Variants in CRIM1 observed in about 807,000 individuals in gnomAD.
The protein encoded by CRIM1 is cysteine-rich motor neuron 1 protein.
CRIM1 carries 32 observed loss-of-function variants against 116.4 expected under a neutral mutation model. The observed-to-expected ratio is 0.27, with a 90% CI of 0.21 to 0.37. The LOEUF (loss-of-function observed/expected upper bound fraction) is 0.37. Among genes scored for constraint, CRIM1 ranks in the 10% least tolerant of loss-of-function variants. The pLI is 1.00. For synonymous variants in CRIM1, 590 were observed against 509.2 expected (o/e 1.16, Z -2.13); for missense variants, 1,331 against 1,354.8 (o/e 0.98, Z 0.28).
intron 1 of CRIM1, among the ~76,000 whole-genome samples, chr2:36,366,709 C>T (rs1377266532): frequency 1.3e-5 from 2 of 152,194 alleles, no homozygotes; most frequent in African/African-American, 2.4e-5. Context: ...TCCCAGTCTA[C>T]AAGAGGTAAC....
At chr2:36,407,374 A>T (rs1319216987) in intron 2 of CRIM1, among the ~76,000 whole-genome samples, 4 of 152,322 alleles carry the variant, frequency 2.6e-5, no homozygotes, top group East Asian at 3.9e-4. Context: ...AAAGTTACAT[A>T]TTTTTGTAAG....
chr2:36,541,731 C>T (rs909276638), intron 14 of CRIM1, among the ~76,000 whole-genome samples: 2 of 152,126 alleles, frequency 1.3e-5, no homozygotes, highest in African/African-American at 4.8e-5. Context: ...ACCGTGTGCC[C>T]GTGATCTTCG....
chr2:36,435,996 A>G (rs1026864686), intron 2 of CRIM1, among the ~76,000 whole-genome samples: 43 of 151,528 alleles, frequency 2.8e-4, no homozygotes, highest in African/African-American at 1.0e-3. Flanking sequence ...TAAGTATTAT[A>G]TATAGATCTG....
chr2:36,382,268 C>T (rs761119190), intron 1 of CRIM1, among the ~76,000 whole-genome samples: 1 of 152,186 alleles, frequency 6.6e-6, no homozygotes, highest in Non-Finnish European at 1.5e-5. Flanking sequence ...AAATTAAATT[C>T]CATGCTCTTG....
chr2:36,419,740 G>T (rs1673909857), intron 2 of CRIM1, among the ~76,000 whole-genome samples: 1 of 152,174 alleles, frequency 6.6e-6, no homozygotes, highest in Admixed American at 6.5e-5. Flanking sequence ...ATCTCAAAAT[G>T]AGAAGTGCAT....
chr2:36,488,606 G>A (rs1680004510), intron 7 of CRIM1, among the ~76,000 whole-genome samples: 1 of 152,172 alleles, frequency 6.6e-6, no homozygotes, highest in East Asian at 1.9e-4. Flanking sequence ...AAGTTGATCA[G>A]CAGTTTGACC....
intron 2 of CRIM1, among the ~76,000 whole-genome samples, chr2:36,413,966 A>G (rs2124821689): frequency 6.6e-6 from 1 of 152,336 alleles, no homozygotes; most frequent in East Asian, 1.9e-4. Context: ...AAAAATATAC[A>G]TCATAACAGT....
At chr2:36,455,933 C>T (rs955981085) in intron 4 of CRIM1, among the ~76,000 whole-genome samples, 7 of 152,210 alleles carry the variant, frequency 4.6e-5, no homozygotes, top group African/African-American at 1.7e-4. Context: ...TACGGTCTTT[C>T]ACTTTGCACT....
intron 4 of CRIM1, 81 bp downstream of exon 4, chr2:36,442,816 T>G: frequency 1.3e-6 from 2 of 1,536,298 alleles, no homozygotes; most frequent in Non-Finnish European, 1.8e-6. Flanking sequence ...GCAGTTTGTT[T>G]TCCCATGAGA....
At chr2:36,480,488 T>G (rs940794413) in intron 7 of CRIM1, among the ~76,000 whole-genome samples, 1 of 152,228 alleles carries the variant, frequency 6.6e-6, no homozygotes, top group African/African-American at 2.4e-5. Flanking sequence ...GGATCAAAAA[T>G]TAATCCATGT....
At chr2:36,480,348 C>G (rs139883720) in intron 7 of CRIM1, among the ~76,000 whole-genome samples, 403 of 152,334 alleles carry the variant, frequency 2.6e-3, no homozygotes, top group African/African-American at 8.9e-3. Context: ...GCATACTTAA[C>G]TCATGTCAGT....
intron 11 of CRIM1, 33 bp from the exon 12 acceptor site, chr2:36,517,294 A>C (rs916378880): frequency 6.4e-7 from 1 of 1,566,664 alleles, no homozygotes; most frequent in African/African-American, 1.4e-5. Flanking sequence ...ATTGCAGATG[A>C]ATAATGTGTT....
At chr2:36,373,123 C>T (rs1670055635) in intron 1 of CRIM1, among the ~76,000 whole-genome samples, 1 of 152,118 alleles carries the variant, frequency 6.6e-6, no homozygotes, top group African/African-American at 2.4e-5. Flanking sequence ...GCAAATGCTG[C>T]CAAAATGAGA....
intron 2 of CRIM1, among the ~76,000 whole-genome samples, chr2:36,419,920 G>T (rs1215294039): frequency 2.6e-5 from 4 of 152,174 alleles, no homozygotes; most frequent in Admixed American, 2.6e-4. Flanking sequence ...CAAATATGTG[G>T]CTTTAAGGCC....
intron 2 of CRIM1, among the ~76,000 whole-genome samples, chr2:36,415,892 G>T (rs1019350665): frequency 1.3e-5 from 2 of 152,164 alleles, no homozygotes; most frequent in African/African-American, 4.8e-5. Context: ...GATAGTTAAT[G>T]AGTGTCTGAT....
Position 36,356,453 on chromosome 2 carries a change from G to A in CRIM1, c.161G>A (p.Ser54Asn). The A allele has an allele frequency of 6.2e-7, 1 of 1,612,368 alleles. No individual in the cohort carries two copies. The highest frequency in any genetic ancestry group is 8.5e-7 in the Non-Finnish European group (1 of 1,179,774). The part of the protein sequence containing the change: ...KCEEPRNCPG[S>N]IVQGVCGCCY... The stretch of plus-strand genomic sequence containing the variant: ...GAGGAGCCCAGGAACTGCCCGGGGA[G>A]CATCGTGCAGGGCGTCTGCGGCTGC... Residue 54 changes from serine (S) to asparagine (N), a missense_variant, in exon 1 of 17, where the codon AGC becomes AAC. Ser to Asn is a conservative substitution (Grantham distance 46). This residue lies in a region of CRIM1 where 690 missense variants were observed against 676.0 expected (regional missense o/e 1.02). Transcript: ENST00000280527. The surrounding 1 kb of genome is among the most constrained non-coding windows in gnomAD (Gnocchi z 4.3).
intron 4 of CRIM1, among the ~76,000 whole-genome samples, chr2:36,460,850 T>C (rs1677525190): frequency 6.6e-6 from 1 of 152,014 alleles, no homozygotes; most frequent in Non-Finnish European, 1.5e-5. Flanking sequence ...AAGTGTGGTG[T>C]TTGGGGGTTC....
intron 2 of CRIM1, among the ~76,000 whole-genome samples, chr2:36,406,069 G>A (rs950210744): frequency 6.6e-6 from 1 of 152,048 alleles, no homozygotes; most frequent in African/African-American, 2.4e-5. Flanking sequence ...GGCATTAAAT[G>A]CCATTATTTC....
chr2:36,360,987 A>G (rs537031594), intron 1 of CRIM1, among the ~76,000 whole-genome samples: 2 of 152,274 alleles, frequency 1.3e-5, no homozygotes, highest in South Asian at 4.1e-4. Flanking sequence ...TTAACAGGGA[A>G]TGGGAAGAGA....
Sources: gnomAD v4.1 joint callset for allele counts (sites outside exome capture counted in the v4.1 genomes callset) on GRCh38, gnomAD v4.1.1 for gene constraint, gnomAD v4.1.1 regional missense constraint, Gnocchi (gnomAD v3.1) non-coding constraint, MANE v1.5 for transcripts, NCBI Gene and HGNC (gene_info 2026-07-23, HGNC 2026-07-21) for gene names.